The following LRRIQ3 variants were observed in gnomAD, a reference collection of about 807,000 sequenced individuals.
LRRIQ3 encodes the protein leucine-rich repeat and IQ domain-containing protein 3.
Under a neutral mutation model 59.3 loss-of-function variants are expected in LRRIQ3, and 75 were observed. That is an observed-to-expected ratio of 1.26 (90% CI 1.05 to 1.53). LRRIQ3 has a LOEUF of 1.53. Among genes scored for constraint, LRRIQ3 ranks in the 40% most tolerant of loss-of-function variants. The pLI is 0.00. For synonymous variants in LRRIQ3, 250 were observed against 231.3 expected, an observed-to-expected ratio of 1.08 and a Z score of -0.73; for missense variants, 831 against 710.0, an observed-to-expected ratio of 1.17 and a Z score of -1.94.
chr1:74,029,409 A>G (rs4650239), intron 7 of LRRIQ3, among the ~76,000 whole-genome samples: 128,638 of 152,020 alleles, frequency 0.85, 55,403 homozygotes, highest in East Asian at 0.97. Context: ...TAGCATGAAC[A>G]GCTCTTGAAT....
chr1:74,044,520 T>C (rs1186144181), intron 6 of LRRIQ3, among the ~76,000 whole-genome samples: 2 of 151,928 alleles, frequency 1.3e-5, no homozygotes, highest in Non-Finnish European at 2.9e-5. Flanking sequence ...AGCAAAAAGA[T>C]CTAAAATTTA....
chr1:74,130,633 A>T (rs1035613598), intron 4 of LRRIQ3, among the ~76,000 whole-genome samples: 1 of 152,048 alleles, frequency 6.6e-6, no homozygotes, highest in Admixed American at 6.6e-5. Flanking sequence ...ATAGTTCTTC[A>T]ATTTGGTGCT....
rs11806946 is a variant in LRRIQ3 at position 74,198,025 on chromosome 1, G to A, written c.-30C>T. Reference sequence around the variant, plus strand: ...TCAACTGGGCTGCAAGCCCTTATGAGTTGGAGACAAGTGGCCCAGCCCCAA... The same window carrying A: ...TCAACTGGGCTGCAAGCCCTTATGAATTGGAGACAAGTGGCCCAGCCCCAA... On this transcript the variant is annotated 5_prime_UTR_variant, in exon 1 of 8. Coordinates refer to ENST00000354431, the MANE Select transcript of LRRIQ3 (RefSeq NM_001105659.2). 314,543 of 672,832 alleles carry A rather than the reference G, an allele frequency of 0.47. 77,197 individuals carry two copies. The highest frequency in any genetic ancestry group is 0.7 in the East Asian group (23,937 of 34,324). 41.7% of individuals were successfully genotyped at this position (672,832 alleles called of 1,614,324 possible).
chr1:74,035,213 C>T (rs928860492), intron 7 of LRRIQ3, among the ~76,000 whole-genome samples: 2 of 152,010 alleles, frequency 1.3e-5, no homozygotes, highest in Non-Finnish European at 2.9e-5. Flanking sequence ...TGAATATTGA[C>T]TAGTTTTGCA....
chr1:74,049,252 C>T (rs904497590), intron 6 of LRRIQ3, among the ~76,000 whole-genome samples: 4 of 152,082 alleles, frequency 2.6e-5, no homozygotes, highest in South Asian at 2.1e-4. Flanking sequence ...AGATTCTATG[C>T]GGCATGGTAG....
intron 6 of LRRIQ3, among the ~76,000 whole-genome samples, chr1:74,061,229 G>A (rs1215778614): frequency 6.6e-6 from 1 of 152,068 alleles, no homozygotes; most frequent in Non-Finnish European, 1.5e-5. Context: ...TAACTGGGGT[G>A]GTGAAAGATC....
At chr1:74,107,040 G>C (rs1044010821) in intron 5 of LRRIQ3, among the ~76,000 whole-genome samples, 1 of 151,866 alleles carries the variant, frequency 6.6e-6, no homozygotes, top group African/African-American at 2.4e-5. Flanking sequence ...CTCATTTACA[G>C]TTAGTTCTTG....
Position 74,182,575 on chromosome 1 carries a change from T to C in LRRIQ3, c.536A>G (p.His179Arg), listed in dbSNP as rs1557658063. 2 of 1,578,318 alleles carry C rather than the reference T, an allele frequency of 1.3e-6. No individual in the cohort carries two copies. Among genetic ancestry groups the C allele is most frequent in the Non-Finnish European group, 1.7e-6 (2 of 1,163,522 alleles). Residue 179 changes from histidine to arginine, a missense_variant, in exon 3 of 8, where the codon CAT (histidine) becomes CGT (arginine). By Grantham distance (29) the His-to-Arg change is conservative. Transcript: ENST00000354431. Reference sequence around the variant, plus strand: ...TGGGCAGAAATTAAAGAAAAGTCGATGGTTACATGCTTTGAATCTTTCAGG... The same window carrying C: ...TGGGCAGAAATTAAAGAAAAGTCGACGGTTACATGCTTTGAATCTTTCAGG... ...HLPERFKACN[H>R]RLFFNFCPAL...
chr1:74,143,702 T>A (rs185402071), intron 4 of LRRIQ3, among the ~76,000 whole-genome samples: 11 of 151,566 alleles, frequency 7.3e-5, no homozygotes, highest in Admixed American at 5.9e-4. Context: ...TAATTTACTA[T>A]AACAAATTAT....
chr1:74,133,083 T>C (rs1048219788), intron 4 of LRRIQ3, among the ~76,000 whole-genome samples: 13 of 152,118 alleles, frequency 8.5e-5, no homozygotes, highest in South Asian at 4.1e-4. Flanking sequence ...AAAGAAGACA[T>C]TTATGCAGCC....
At chr1:74,183,770 C>A (rs117356986) in intron 1 of LRRIQ3, 86 bp from the exon 2 acceptor site, 2 of 1,184,472 alleles carry the variant, frequency 1.7e-6, no homozygotes, top group Non-Finnish European at 2.3e-6. Context: ...CAAGAGATAG[C>A]GCAAGTAAAA....
intron 5 of LRRIQ3, chr1:74,109,146 T>TA: frequency 4.2e-6 from 1 of 235,448 alleles, no homozygotes; most frequent in African/African-American, 2.3e-5. Flanking sequence ...AAAAACTAAA[T>TA]AAAAAATTAT....
intron 6 of LRRIQ3, among the ~76,000 whole-genome samples, chr1:74,073,034 A>C (rs1185115451): frequency 6.6e-6 from 1 of 152,146 alleles, no homozygotes; most frequent in Non-Finnish European, 1.5e-5. Context: ...GAGCATAAAA[A>C]GTGTAAAGTT....
At chr1:74,195,395 A>G (rs1469191845) in intron 1 of LRRIQ3, among the ~76,000 whole-genome samples, 1 of 152,168 alleles carries the variant, frequency 6.6e-6, no homozygotes, top group Admixed American at 6.5e-5. Flanking sequence ...GAAGGGGGGA[A>G]AATTAAAACA....
chr1:74,061,944 G>C (rs1476493691), intron 6 of LRRIQ3, among the ~76,000 whole-genome samples: 1 of 152,144 alleles, frequency 6.6e-6, no homozygotes, highest in African/African-American at 2.4e-5. Flanking sequence ...TGAGGTGGCA[G>C]GATTCCTTGA....
chr1:74,137,200 A>C (rs1341046285), intron 4 of LRRIQ3, among the ~76,000 whole-genome samples: 1 of 151,932 alleles, frequency 6.6e-6, no homozygotes, highest in Non-Finnish European at 1.5e-5. Context: ...TTTATTTGCA[A>C]CACTTTTTAA....
At chr1:74,048,053 T>C (rs1254571624) in intron 6 of LRRIQ3, among the ~76,000 whole-genome samples, 1 of 152,142 alleles carries the variant, frequency 6.6e-6, no homozygotes. Context: ...AAACTTACCA[T>C]GTTGGCATCC....
intron 4 of LRRIQ3, among the ~76,000 whole-genome samples, chr1:74,146,268 G>A (rs112390917): frequency 6.6e-6 from 1 of 151,904 alleles, no homozygotes. Context: ...AATCTATTAG[G>A]AATAAAATAA....
chr1:74,182,807 G>C lies in LRRIQ3; in HGVS notation c.304C>G (p.Leu102Val). ...FWNGLKNLKL[L>V]YLHDNGFAKL... ...GCAAACCCATTGTCATGAAGATAGA[G>C]TAGTTTTAGGTTCTTCAATCCATTC... The change falls in exon 3 of 8, where the codon CTC (leucine) becomes GTC (valine). Residue 102 changes from leucine to valine, a missense_variant. Leu to Val is a conservative substitution (Grantham distance 32). Transcript: ENST00000354431. 1 of 1,595,960 alleles carries C rather than the reference G, an allele frequency of 6.3e-7. No homozygotes were observed. Among genetic ancestry groups the C allele is most frequent in the East Asian group, 2.3e-5 (1 of 44,318 alleles).
Sources: gnomAD v4.1 joint callset for allele counts (sites outside exome capture counted in the v4.1 genomes callset) on GRCh38, gnomAD v4.1.1 for gene constraint, MANE v1.5 for transcripts, NCBI Gene and HGNC (gene_info 2026-07-23, HGNC 2026-07-21) for gene names.